Variants in RBFOX1 observed in about 807,000 individuals in gnomAD.
RBFOX1 encodes the protein RNA binding protein fox-1 homolog 1.
In RBFOX1, 8 loss-of-function variants were observed where a neutral mutation model predicts 57.7. That is an observed-to-expected ratio of 0.14 (90% CI 0.08 to 0.25). The LOEUF is 0.25. Ranked by LOEUF, RBFOX1 falls within the 10% of genes least tolerant of loss-of-function variation. The pLI, the probability that RBFOX1 is intolerant of heterozygous loss-of-function variation, is 1.00. For missense variants in RBFOX1, 611 were observed against 548.5 expected (o/e 1.11, Z -1.14); for synonymous variants, 326 against 222.4 (o/e 1.47, Z -4.15).
chr16:5,372,817 C>T (rs998177194), intron 1 of RBFOX1, among the ~76,000 whole-genome samples: 1 of 152,196 alleles, frequency 6.6e-6, no homozygotes, highest in Non-Finnish European at 1.5e-5. Flanking sequence ...CGTTGACCCG[C>T]ACAATACCAT....
intron 4 of RBFOX1, among the ~76,000 whole-genome samples, chr16:7,297,158 G>A (rs1293160558): frequency 6.6e-6 from 1 of 152,162 alleles, no homozygotes; most frequent in Non-Finnish European, 1.5e-5. Context: ...TGCCTGCAGG[G>A]AGGAGGGAAG....
intron 2 of RBFOX1, among the ~76,000 whole-genome samples, chr16:6,503,483 C>T (rs1451590040): frequency 6.6e-6 from 1 of 152,204 alleles, no homozygotes; most frequent in South Asian, 2.1e-4. Flanking sequence ...CAGGACATTT[C>T]TTCTGATGGT....
At chr16:6,284,329 A>G (rs1465120695) in intron 1 of RBFOX1, among the ~76,000 whole-genome samples, 2 of 152,126 alleles carry the variant, frequency 1.3e-5, no homozygotes, top group Non-Finnish European at 2.9e-5. Context: ...ATCAGTTCAC[A>G]CCTGTACCTA....
At chr16:7,057,867 G>T (rs2052878326) in intron 4 of RBFOX1, among the ~76,000 whole-genome samples, 1 of 152,182 alleles carries the variant, frequency 6.6e-6, no homozygotes, top group East Asian at 1.9e-4. Flanking sequence ...AATTAGCCAG[G>T]CATGGTGGCG....
chr16:6,412,800 T>C (rs796978665), intron 2 of RBFOX1, among the ~76,000 whole-genome samples: 23 of 152,314 alleles, frequency 1.5e-4, no homozygotes, highest in African/African-American at 5.5e-4. Context: ...GAGTGTGGAA[T>C]TGTGAGCCCG....
At chr16:5,424,277 T>C (rs951188653) in intron 1 of RBFOX1, among the ~76,000 whole-genome samples, 4 of 152,204 alleles carry the variant, frequency 2.6e-5, no homozygotes, top group African/African-American at 9.7e-5. Flanking sequence ...ATCAAAATCG[T>C]GTTTATTATA....
At chr16:7,245,829 T>C (rs1289630318) in intron 4 of RBFOX1, among the ~76,000 whole-genome samples, 1 of 152,218 alleles carries the variant, frequency 6.6e-6, no homozygotes. Context: ...CTCATGCAAC[T>C]CTTCACAAAT....
chr16:5,832,706 T>C (rs190585687), intron 3 of RBFOX1, among the ~76,000 whole-genome samples: 150 of 152,292 alleles, frequency 9.8e-4, no homozygotes, highest in Non-Finnish European at 1.6e-3. Context: ...GGCCTTTTCA[T>C]TGGGGGCATC....
At position 7,467,625 on chromosome 16, in the gene RBFOX1, A is replaced by G. The variant is rs186933113; in HGVS notation, c.28-50522A>G. Reference sequence around the variant, plus strand: ...GATAATTCAACTGTAAAATTGTGGTATGATAATAAGAGTGACCTTGCTAGG... The same window carrying G: ...GATAATTCAACTGTAAAATTGTGGTGTGATAATAAGAGTGACCTTGCTAGG... On this transcript the variant is annotated intron_variant, in intron 4 of 15. Transcript: ENST00000550418. Among the ~76,000 whole-genome samples the G allele has an allele frequency of 1.6e-3, 251 of 152,314 alleles. 1 individual carries two copies. The highest frequency in any genetic ancestry group is 5.2e-3 in the African/African-American group (216 of 41,564).
rs113462419 is a variant in RBFOX1 at position 5,442,624 on chromosome 16, T to C, written c.220-24592T>C. 5.3e-3 allele frequency among the ~76,000 whole-genome samples: 803 copies of C among 152,268 alleles called. 3 individuals carry two copies. Among genetic ancestry groups the C allele is most frequent in the African/African-American group, 0.018 (757 of 41,558 alleles). On this transcript the variant is annotated intron_variant, in intron 1 of 2. Transcript: ENST00000585867. ...GGAGGATGCAGCTCTTAAAAACCAA[T>C]TGGGCTTGGGAAGTGTAAATTAGAG...
chr16:5,942,693 G>A (rs1202897789), intron 4 of RBFOX1, among the ~76,000 whole-genome samples: 1 of 152,140 alleles, frequency 6.6e-6, no homozygotes, highest in African/African-American at 2.4e-5. Context: ...CCCAAAGTTA[G>A]CTTGGCCTAT....
intron 3 of RBFOX1, among the ~76,000 whole-genome samples, chr16:7,048,405 GC>G (rs970024333): frequency 3.3e-5 from 5 of 151,836 alleles, no homozygotes; most frequent in African/African-American, 1.2e-4. Flanking sequence ...GACTACAGTC[GC>G]GTGTCGCCAC....
At chr16:5,263,756 C>G (rs2062793106) in intron 1 of RBFOX1, among the ~76,000 whole-genome samples, 1 of 152,084 alleles carries the variant, frequency 6.6e-6, no homozygotes, top group Non-Finnish European at 1.5e-5. Flanking sequence ...TGAGTGGGCT[C>G]TGAAACCCCT....
intron 4 of RBFOX1, among the ~76,000 whole-genome samples, chr16:7,353,354 A>G (rs1447313687): frequency 6.6e-6 from 1 of 152,200 alleles, no homozygotes; most frequent in Non-Finnish European, 1.5e-5. Flanking sequence ...ATGCACATAC[A>G]TTGCTGGCAG....
chr16:5,689,114 G>C (rs562227989), intron 3 of RBFOX1, among the ~76,000 whole-genome samples: 1 of 152,294 alleles, frequency 6.6e-6, no homozygotes, highest in African/African-American at 2.4e-5. Context: ...ACACAAACAT[G>C]GCACTTGGAG....
At chr16:6,167,914 C>T (rs1375694868) in intron 1 of RBFOX1, among the ~76,000 whole-genome samples, 1 of 152,134 alleles carries the variant, frequency 6.6e-6, no homozygotes, top group Non-Finnish European at 1.5e-5. Context: ...TTTGCCTATG[C>T]TGCAAAGATT....
At chr16:6,854,898 T>A (rs1279356143) in intron 3 of RBFOX1, among the ~76,000 whole-genome samples, 2 of 151,758 alleles carry the variant, frequency 1.3e-5, no homozygotes, top group South Asian at 4.2e-4. Context: ...CCAGCCGAGG[T>A]GAATAATTTT....
intron 4 of RBFOX1, among the ~76,000 whole-genome samples, chr16:7,430,078 C>T (rs374065527): frequency 3.9e-5 from 6 of 152,258 alleles, no homozygotes; most frequent in South Asian, 2.1e-4. Context: ...AACAAATTGG[C>T]GGAATGAATT....
intron 4 of RBFOX1, among the ~76,000 whole-genome samples, chr16:5,985,198 T>G (rs2152314173): frequency 6.6e-6 from 1 of 151,538 alleles, no homozygotes; most frequent in Non-Finnish European, 1.5e-5. Flanking sequence ...TTCACCGTGT[T>G]AGCCAGGATG....
Sources: allele counts gnomAD v4.1 joint callset (sites outside exome capture counted in the v4.1 genomes callset), GRCh38; gene constraint gnomAD v4.1.1; transcripts MANE v1.5; gene names NCBI Gene and HGNC (gene_info 2026-07-23, HGNC 2026-07-21).